The following LRRC4C variants were observed in gnomAD, a reference collection of about 807,000 sequenced individuals.
LRRC4C encodes the protein leucine rich repeat containing 4C.
Under a neutral mutation model 33.6 loss-of-function variants are expected in LRRC4C, and 5 were observed. The observed-to-expected ratio is 0.15, with a 90% CI of 0.08 to 0.31. The LOEUF (loss-of-function observed/expected upper bound fraction) is 0.31. LRRC4C is among the 10% of genes least tolerant of loss of function. The pLI is 1.00. For synonymous variants in LRRC4C, 329 were observed against 302.0 expected (o/e 1.09, Z -0.93); for missense variants, 560 against 796.7 (o/e 0.70, Z 3.58).
At chr11:41,429,539 T>G (rs1243685260) in intron 1 of LRRC4C, among the ~76,000 whole-genome samples, 1 of 152,158 alleles carries the variant, frequency 6.6e-6, no homozygotes, top group African/African-American at 2.4e-5. Flanking sequence ...TCACAGTTTA[T>G]AGGCAGGTCT....
chr11:40,838,098 G>T (rs554709219), intron 2 of LRRC4C, among the ~76,000 whole-genome samples: 1 of 152,056 alleles, frequency 6.6e-6, no homozygotes, highest in African/African-American at 2.4e-5. Flanking sequence ...TAACTCTACT[G>T]GTATTTTTAA....
chr11:40,640,817 C>A (rs925064719), intron 3 of LRRC4C, among the ~76,000 whole-genome samples: 2 of 151,922 alleles, frequency 1.3e-5, no homozygotes, highest in Non-Finnish European at 2.9e-5. Flanking sequence ...GATCGAGAGA[C>A]TATCTTGGAT....
chr11:40,181,275 T>G (rs1289828653), intron 5 of LRRC4C, among the ~76,000 whole-genome samples: 1 of 152,108 alleles, frequency 6.6e-6, no homozygotes, highest in Non-Finnish European at 1.5e-5. Flanking sequence ...CCACATATAT[T>G]TGTTACAAGA....
At chr11:40,363,153 T>A (rs7103503) in intron 3 of LRRC4C, among the ~76,000 whole-genome samples, 116,832 of 152,124 alleles carry the variant, frequency 0.77, 45,723 homozygotes, top group East Asian at 0.99. Flanking sequence ...CATGAAATCA[T>A]CCTAAATGCC....
At chr11:41,388,052 T>A (rs1286909951) in intron 1 of LRRC4C, among the ~76,000 whole-genome samples, 2 of 151,542 alleles carry the variant, frequency 1.3e-5, no homozygotes, top group East Asian at 1.9e-4. Flanking sequence ...AAGTAGAGAG[T>A]GAATTGAAAT....
intron 3 of LRRC4C, among the ~76,000 whole-genome samples, chr11:40,417,244 G>A (rs1565367229): frequency 6.6e-6 from 1 of 152,124 alleles, no homozygotes; most frequent in Non-Finnish European, 1.5e-5. Context: ...TCTGGGGACT[G>A]TTTGGCAATA....
chr11:40,755,647 C>T (rs551658968), intron 2 of LRRC4C, among the ~76,000 whole-genome samples: 1 of 152,014 alleles, frequency 6.6e-6, no homozygotes, highest in South Asian at 2.1e-4. Flanking sequence ...GGATAGAGGC[C>T]AGGAGTGCTG....
rs145369690 is a variant in LRRC4C at position 41,415,280 on chromosome 11, C to T, written c.-496+44151G>A. Among the ~76,000 whole-genome samples, 919 of 152,152 alleles carry T rather than the reference C, an allele frequency of 6.0e-3. 7 individuals are homozygous for T. Among genetic ancestry groups the T allele is most frequent in the South Asian group, 0.02 (97 of 4,822 alleles). ...CCTGTAAGTGCCAGGTAGTTATGGA[C>T]GGGTGTTATCAGCAGAAAACACAGA... On this transcript the variant is annotated intron_variant, in intron 1 of 6. Coordinates refer to ENST00000528697, the MANE Select transcript of LRRC4C (RefSeq NM_001258419.2).
chr11:40,431,822 G>A (rs1429663376), intron 3 of LRRC4C, among the ~76,000 whole-genome samples: 1 of 152,148 alleles, frequency 6.6e-6, no homozygotes, highest in Non-Finnish European at 1.5e-5. Flanking sequence ...AATATGTGTA[G>A]AGTTGGGTCT....
At chr11:40,873,068 A>G (rs547916886) in intron 2 of LRRC4C, among the ~76,000 whole-genome samples, 8 of 152,304 alleles carry the variant, frequency 5.3e-5, no homozygotes, top group East Asian at 1.9e-4. Flanking sequence ...ATAAAAGCCA[A>G]TGAGAGGTTA....
At chr11:40,593,142 A>G (rs1333594286) in intron 3 of LRRC4C, among the ~76,000 whole-genome samples, 1 of 152,184 alleles carries the variant, frequency 6.6e-6, no homozygotes, top group Non-Finnish European at 1.5e-5. Flanking sequence ...GCAGAGAGAA[A>G]CCACAGAGAG....
At chr11:41,350,276 C>T (rs1343012156) in intron 1 of LRRC4C, among the ~76,000 whole-genome samples, 2 of 151,904 alleles carry the variant, frequency 1.3e-5, no homozygotes, top group African/African-American at 2.4e-5. Context: ...TTTGGGAGGC[C>T]GAGGTGGGCG....
At chr11:40,155,189 C>T (rs997066837) in intron 5 of LRRC4C, among the ~76,000 whole-genome samples, 5 of 151,970 alleles carry the variant, frequency 3.3e-5, no homozygotes, top group African/African-American at 1.2e-4. Context: ...CCTATCAAAA[C>T]TCTGGGATAC....
downstream of LRRC4C, chr11:40,114,207 G>A (rs1590401198): frequency 1.3e-6 from 1 of 797,110 alleles, no homozygotes. Flanking sequence ...AATTTTGTCT[G>A]CTTTAGATCA....
intron 1 of LRRC4C, among the ~76,000 whole-genome samples, chr11:40,984,180 A>AAAGG (rs541495827): frequency 6.7e-6 from 1 of 150,350 alleles, no homozygotes; most frequent in Non-Finnish European, 1.5e-5. Flanking sequence ...GAAAGGAAGG[A>AAAGG]AAGGAAGGAA....
chr11:41,235,663 A>T (rs1947989737), intron 1 of LRRC4C, among the ~76,000 whole-genome samples: 1 of 152,174 alleles, frequency 6.6e-6, no homozygotes, highest in African/African-American at 2.4e-5. Context: ...GTATGAATGT[A>T]GGCCATGTAA....
intron 2 of LRRC4C, among the ~76,000 whole-genome samples, chr11:40,738,229 A>G (rs1591593690): frequency 6.6e-6 from 1 of 152,180 alleles, no homozygotes. Flanking sequence ...CTCAAGATGT[A>G]TTAAGGACTT....
chr11:40,336,848 G>C (rs953680140), intron 3 of LRRC4C, among the ~76,000 whole-genome samples: 17 of 151,470 alleles, frequency 1.1e-4, no homozygotes, highest in Admixed American at 9.9e-4. Flanking sequence ...GTGGCGGGGG[G>C]CGCCTGTAGT....
intron 2 of LRRC4C, among the ~76,000 whole-genome samples, chr11:40,849,686 G>A (rs1336365979): frequency 6.6e-6 from 1 of 152,006 alleles, no homozygotes. Flanking sequence ...ATGTTGGCCT[G>A]TCTTGCTAGG....
Sources: gnomAD v4.1 joint callset for allele counts (sites outside exome capture counted in the v4.1 genomes callset) on GRCh38, gnomAD v4.1.1 for gene constraint, MANE v1.5 for transcripts, NCBI Gene and HGNC (gene_info 2026-07-23, HGNC 2026-07-21) for gene names.